FBXO21: variants seen among roughly 807,000 people sequenced by gnomAD.
FBXO21 encodes the protein F-box only protein 21.
In FBXO21, 32 loss-of-function variants were observed where a neutral mutation model predicts 76.6. That is an observed-to-expected ratio of 0.42 (90% CI 0.32 to 0.56). The LOEUF (loss-of-function observed/expected upper bound fraction) is 0.56, where lower values mean the gene tolerates loss of function less well. Among genes scored for constraint, FBXO21 ranks in the 20% least tolerant of loss-of-function variants. The pLI, the probability that FBXO21 is intolerant of heterozygous loss-of-function variation, is 0.16. For missense variants in FBXO21, 586 were observed against 797.3 expected, an observed-to-expected ratio of 0.73 and a Z score of 3.19; for synonymous variants, 328 against 311.5, an observed-to-expected ratio of 1.05 and a Z score of -0.56.
intron 3 of FBXO21, among the ~76,000 whole-genome samples, chr12:117,178,233 C>T (rs946763752): frequency 1.3e-5 from 2 of 152,178 alleles, no homozygotes; most frequent in Non-Finnish European, 2.9e-5. Context: ...ATCCTGGATG[C>T]CTTGCTTTCT....
At chr12:117,165,107 C>T (rs1350119981) in intron 9 of FBXO21, among the ~76,000 whole-genome samples, 1 of 152,174 alleles carries the variant, frequency 6.6e-6, no homozygotes, top group Admixed American at 6.6e-5. Flanking sequence ...AACAGGAGTA[C>T]TTATTCATGG....
At chr12:117,158,984 T>A (rs1190962819) in intron 9 of FBXO21, among the ~76,000 whole-genome samples, 1 of 152,236 alleles carries the variant, frequency 6.6e-6, no homozygotes, top group Admixed American at 6.5e-5. Flanking sequence ...GCTTAGTGCG[T>A]TACAGCAACC....
intron 1 of FBXO21, among the ~76,000 whole-genome samples, chr12:117,189,715 G>A (rs919247971): frequency 6.6e-6 from 1 of 152,086 alleles, no homozygotes; most frequent in Non-Finnish European, 1.5e-5. Context: ...CACGGTGAAA[G>A]GTAGGTCTAA....
At chr12:117,182,884 G>A (rs1956249029) in intron 3 of FBXO21, among the ~76,000 whole-genome samples, 1 of 152,022 alleles carries the variant, frequency 6.6e-6, no homozygotes, top group Non-Finnish European at 1.5e-5. Flanking sequence ...TTGAGGCCAG[G>A]AGTTTAGTAA....
chr12:117,143,917 T>G lies in FBXO21; in HGVS notation c.*2170A>C, dbSNP rs1431126197. 6.5e-6 allele frequency: 1 copy of G among 152,674 alleles called. No homozygotes were observed. Among genetic ancestry groups the G allele is most frequent in the African/African-American group, 2.4e-5 (1 of 41,458 alleles). The allele number at this position is 152,674 out of a possible 1,614,324, so 9.5% of individuals were successfully genotyped here. ...AAGTTCAACGTTTATAACAGGGCTT[T>G]TTAAAATGGAGAAAAGTTTTGGAAA... On this transcript the variant is annotated 3_prime_UTR_variant, in exon 12 of 12. Transcript: ENST00000622495.
intron 3 of FBXO21, among the ~76,000 whole-genome samples, chr12:117,184,967 A>G (rs897120621): frequency 6.6e-6 from 1 of 152,162 alleles, no homozygotes; most frequent in African/African-American, 2.4e-5. Context: ...AGAAGAATGC[A>G]ACCTGGGCTG....
intron 4 of FBXO21, among the ~76,000 whole-genome samples, chr12:117,177,306 C>G (rs1246843192): frequency 6.6e-6 from 1 of 152,188 alleles, no homozygotes; most frequent in Admixed American, 6.6e-5. Flanking sequence ...AACACTATTT[C>G]TTTAGTGGAC....
chr12:117,177,772 T>A, intron 3 of FBXO21, 131 bp from the exon 4 acceptor site: 1 of 662,676 alleles, frequency 1.5e-6, no homozygotes, highest in Non-Finnish European at 2.5e-6. Context: ...ATAATAATTA[T>A]AATGGAAATA....
intron 7 of FBXO21, among the ~76,000 whole-genome samples, chr12:117,171,615 A>G (rs1482414581): frequency 6.6e-6 from 1 of 152,134 alleles, no homozygotes; most frequent in East Asian, 1.9e-4. Context: ...ACATTAATCC[A>G]TTTTACCAAG....
At position 117,174,268 on chromosome 12, in the gene FBXO21, G is replaced by A. The variant is rs370427066; in HGVS notation, c.813C>T (p.Asp271=). The change falls in exon 6 of 12, where the codon GAC becomes GAT. Residue 271 remains aspartate, a synonymous_variant. Coordinates refer to ENST00000622495, the MANE Select transcript of FBXO21 (RefSeq NM_015002.3). The stretch of plus-strand genomic sequence containing the variant: ...TTCGATTCCCCTTGAACTTCAGTTG[G>A]TCGTAAAGGACATAGTTCATGGCAT... ...VLDAMNYVLY[D]QLKFKGNRMD... is the part of the protein sequence containing the mutation. 1.2e-6 allele frequency: 2 copies of A among 1,613,332 alleles called. No homozygotes were observed. Among genetic ancestry groups the A allele is most frequent in the Non-Finnish European group, 1.7e-6 (2 of 1,179,384 alleles).
chr12:117,160,532 C>T (rs1955965468), intron 9 of FBXO21, among the ~76,000 whole-genome samples: 1 of 152,176 alleles, frequency 6.6e-6, no homozygotes, highest in African/African-American at 2.4e-5. Context: ...CAGGCCTGCT[C>T]TCCAAATACC....
At chr12:117,187,293 G>A (rs1338006034) in intron 2 of FBXO21, among the ~76,000 whole-genome samples, 1 of 151,452 alleles carries the variant, frequency 6.6e-6, no homozygotes, top group Non-Finnish European at 1.5e-5. Context: ...AGTGGCGCAT[G>A]CCAGTAATCC....
chr12:117,150,302 T>G (rs1955822889), intron 11 of FBXO21, among the ~76,000 whole-genome samples: 1 of 152,222 alleles, frequency 6.6e-6, no homozygotes, highest in Admixed American at 6.5e-5. Context: ...ATCTGTCTGC[T>G]TATTTTAACG....
intron 11 of FBXO21, among the ~76,000 whole-genome samples, chr12:117,152,853 A>C (rs761215524): frequency 1.8e-4 from 27 of 152,194 alleles, no homozygotes; most frequent in Non-Finnish European, 1.5e-4. Context: ...AAATATGGGA[A>C]TCATTTACTG....
At chr12:117,146,405 G>A (rs776462711) in intron 11 of FBXO21, 128 bp from the exon 12 acceptor site, 17 of 710,328 alleles carry the variant, frequency 2.4e-5, no homozygotes, top group Non-Finnish European at 3.8e-5. Flanking sequence ...GACTGAAGAT[G>A]TTTATGGAGT....
At chr12:117,171,357 C>CAAAAAAAAAAAA (rs57835444) in intron 7 of FBXO21, among the ~76,000 whole-genome samples, 1 of 52,658 alleles carries the variant, frequency 1.9e-5, no homozygotes, top group Non-Finnish European at 3.4e-5. Flanking sequence ...GACCCTGTCT[C>CAAAAAAAAAAAA]AAAAAAAAAA....
intron 4 of FBXO21, among the ~76,000 whole-genome samples, chr12:117,177,095 C>T (rs145190781): frequency 6.6e-5 from 10 of 152,326 alleles, no homozygotes; most frequent in Non-Finnish European, 1.0e-4. Context: ...GACAAGCAGA[C>T]TCACTGATGC....
At chr12:117,175,304 C>A in intron 4 of FBXO21, among the ~76,000 whole-genome samples, 1 of 152,236 alleles carries the variant, frequency 6.6e-6, no homozygotes, top group Non-Finnish European at 1.5e-5. Flanking sequence ...GATTCTGGAG[C>A]TAACCCCACT....
At chr12:117,185,509 G>T (rs564913597) in intron 3 of FBXO21, among the ~76,000 whole-genome samples, 4 of 152,334 alleles carry the variant, frequency 2.6e-5, no homozygotes, top group African/African-American at 9.6e-5. Flanking sequence ...AGGAAAGTTA[G>T]GCTGGAAGCC....
Sources: gnomAD v4.1 joint callset for allele counts (sites outside exome capture counted in the v4.1 genomes callset) on GRCh38, gnomAD v4.1.1 for gene constraint, MANE v1.5 for transcripts, NCBI Gene and HGNC (gene_info 2026-07-23, HGNC 2026-07-21) for gene names.